The following CSMD1 variants were observed in gnomAD, a reference collection of about 807,000 sequenced individuals.
CSMD1 encodes CUB and Sushi multiple domains 1.
In CSMD1, 213 loss-of-function variants were observed where a neutral mutation model predicts 417.5. The observed-to-expected ratio is 0.51, with a 90% CI of 0.46 to 0.57. The LOEUF is 0.57. CSMD1 is among the 20% of genes least tolerant of loss of function. CSMD1 has a pLI of 0.00. For missense variants in CSMD1, 6,923 were observed against 4,529.7 expected (o/e 1.53, Z -15.17); for synonymous variants, 2,862 against 1,736.8 (o/e 1.65, Z -16.11).
chr8:3,524,620 C>G (rs553914360), intron 10 of CSMD1, among the ~76,000 whole-genome samples: 2 of 151,276 alleles, frequency 1.3e-5, no homozygotes, highest in South Asian at 2.1e-4. Flanking sequence ...TGCACATACA[C>G]ACATGCACAC....
At chr8:3,029,197 T>C (rs1324944027) in intron 51 of CSMD1, 122 bp downstream of exon 51, 2 of 668,834 alleles carry the variant, frequency 3.0e-6, no homozygotes, top group Admixed American at 3.2e-5. Context: ...AGGCCATTTG[T>C]TCTTTTGATC....
chr8:4,587,435 ATATATG>A (rs989664015), intron 2 of CSMD1, among the ~76,000 whole-genome samples: 1 of 121,218 alleles, frequency 8.2e-6, no homozygotes, highest in Non-Finnish European at 1.7e-5. Context: ...ATATGTGGAT[ATATATG>A]TATATGTACA....
chr8:3,328,015 G>T (rs1032795454), intron 23 of CSMD1, among the ~76,000 whole-genome samples: 4 of 152,088 alleles, frequency 2.6e-5, no homozygotes, highest in African/African-American at 9.7e-5. Context: ...AGCCAATTCG[G>T]GTTCCAGTTT....
intron 2 of CSMD1, among the ~76,000 whole-genome samples, chr8:4,575,866 C>G (rs1246853969): frequency 6.6e-6 from 1 of 152,136 alleles, no homozygotes; most frequent in Non-Finnish European, 1.5e-5. Context: ...TAAAGACTTG[C>G]AAACTTGCTG....
At chr8:3,908,530 C>T (rs569372560) in intron 5 of CSMD1, among the ~76,000 whole-genome samples, 1 of 152,250 alleles carries the variant, frequency 6.6e-6, no homozygotes, top group South Asian at 2.1e-4. Flanking sequence ...AAAAAAACTC[C>T]TAACCTAAGG....
intron 5 of CSMD1, among the ~76,000 whole-genome samples, chr8:3,853,880 A>G (rs978187597): frequency 2.7e-5 from 4 of 147,072 alleles, no homozygotes; most frequent in African/African-American, 9.9e-5. Flanking sequence ...ACTTTAATAT[A>G]TTAATATATT....
chr8:4,236,026 G>GTTTTTTTTTTTTTTTTTTTTTT (rs147378202), intron 3 of CSMD1, among the ~76,000 whole-genome samples: 7 of 108,084 alleles, frequency 6.5e-5, no homozygotes, highest in African/African-American at 2.5e-4. Context: ...AATGGATATT[G>GTTTTTTTTTTTTTTTTTTTTTT]TTTTTTTTGT....
chr8:4,233,016 A>G (rs1478713374), intron 3 of CSMD1, among the ~76,000 whole-genome samples: 1 of 152,184 alleles, frequency 6.6e-6, no homozygotes, highest in African/African-American at 2.4e-5. Flanking sequence ...TCATGTCTAC[A>G]TGCACCTGCA....
intron 1 of CSMD1, among the ~76,000 whole-genome samples, chr8:4,741,116 C>T (rs1810575839): frequency 6.6e-6 from 1 of 152,178 alleles, no homozygotes; most frequent in Non-Finnish European, 1.5e-5. Flanking sequence ...ATCCTAGTAT[C>T]TCCTCTTTTC....
intron 1 of CSMD1, among the ~76,000 whole-genome samples, chr8:4,833,684 G>T (rs965019782): frequency 6.6e-6 from 1 of 152,178 alleles, no homozygotes; most frequent in Non-Finnish European, 1.5e-5. Flanking sequence ...CACAGCAAGA[G>T]CTGGATCAAT....
chr8:4,363,185 A>G (rs2043116), intron 3 of CSMD1, among the ~76,000 whole-genome samples: 120,708 of 152,064 alleles, frequency 0.79, 48,272 homozygotes, highest in African/African-American at 0.89. Context: ...TAAACAGGAA[A>G]TGCCACCATT....
intron 5 of CSMD1, among the ~76,000 whole-genome samples, chr8:3,971,133 G>C (rs761833361): frequency 1.3e-5 from 2 of 151,410 alleles, no homozygotes; most frequent in Non-Finnish European, 1.5e-5. Flanking sequence ...GAAATCACAC[G>C]GTGTTAAATA....
chr8:4,296,128 A>T (rs111367501), intron 3 of CSMD1, among the ~76,000 whole-genome samples: 3 of 152,082 alleles, frequency 2.0e-5, no homozygotes, highest in Non-Finnish European at 2.9e-5. Flanking sequence ...CAAAACCACA[A>T]TAAGAAGCGA....
chr8:4,529,363 T>A (rs188085120), intron 2 of CSMD1, among the ~76,000 whole-genome samples: 23 of 152,360 alleles, frequency 1.5e-4, no homozygotes, highest in Admixed American at 1.5e-3. Context: ...GGCATTAATA[T>A]GTTTGCTCAA....
intron 3 of CSMD1, among the ~76,000 whole-genome samples, chr8:4,032,642 G>T (rs1349506747): frequency 2.6e-5 from 4 of 152,160 alleles, no homozygotes; most frequent in African/African-American, 4.8e-5. Context: ...CTCATGCATT[G>T]ATCCATCAAT....
rs77921872 is a variant in CSMD1, at chr8:3,790,927, A to G, written c.819-36885T>C. Among the ~76,000 whole-genome samples, 1,508 of 152,308 alleles carry G rather than the reference A, an allele frequency of 9.9e-3. 48 individuals are homozygous for G. The highest frequency in any genetic ancestry group is 0.064 in the East Asian group (328 of 5,164). ...TCAAAACTGTCAGGTCCTAAGAGCA[A>G]CAGATGACACCTGTCATTTTAACTC... On this transcript the variant is annotated intron_variant, in intron 5 of 69. Coordinates refer to ENST00000635120, the MANE Select transcript of CSMD1 (RefSeq NM_033225.6).
intron 37 of CSMD1, among the ~76,000 whole-genome samples, chr8:3,164,739 A>C (rs1255851451): frequency 6.6e-6 from 1 of 152,224 alleles, no homozygotes; most frequent in African/African-American, 2.4e-5. Context: ...ACACAGAACG[A>C]AGAATATCGA....
At chr8:3,841,410 G>C (rs956613199) in intron 5 of CSMD1, among the ~76,000 whole-genome samples, 6 of 152,034 alleles carry the variant, frequency 3.9e-5, no homozygotes, top group African/African-American at 1.4e-4. Flanking sequence ...TGCTTTTATG[G>C]AGAAAAGAAG....
chr8:4,901,449 C>T (rs541126053), intron 1 of CSMD1, among the ~76,000 whole-genome samples: 14 of 152,242 alleles, frequency 9.2e-5, no homozygotes, highest in African/African-American at 3.4e-4. Context: ...GAATTTAATA[C>T]ATAGTTGAGA....
Sources: gnomAD v4.1 joint callset for allele counts (sites outside exome capture counted in the v4.1 genomes callset) on GRCh38, gnomAD v4.1.1 for gene constraint, MANE v1.5 for transcripts, NCBI Gene and HGNC (gene_info 2026-07-23, HGNC 2026-07-21) for gene names.